The following GRM8 variants were observed in gnomAD, a reference collection of about 807,000 sequenced individuals.
The protein encoded by GRM8 is metabotropic glutamate receptor 8.
A neutral mutation model predicts 87.2 loss-of-function variants in GRM8; 47 were observed. That is an observed-to-expected ratio of 0.54 (90% CI 0.43 to 0.69). The LOEUF (loss-of-function observed/expected upper bound fraction) is 0.69, where lower values mean the gene tolerates loss of function less well. Ranked by LOEUF, GRM8 falls within the 30% of genes least tolerant of loss-of-function variation. The pLI, the probability that GRM8 is intolerant of heterozygous loss-of-function variation, is 0.00. For synonymous variants in GRM8, 396 were observed against 404.5 expected (o/e 0.98, Z 0.25); for missense variants, 1,019 against 1,139.2 (o/e 0.89, Z 1.52).
chr7:126,556,253 A>G (rs1448270759), intron 8 of GRM8, among the ~76,000 whole-genome samples: 2 of 150,770 alleles, frequency 1.3e-5, no homozygotes, highest in African/African-American at 2.4e-5. Flanking sequence ...TGTTTTTCAT[A>G]TTAGTACCTA....
At chr7:126,516,735 A>G (rs1812223421) in intron 9 of GRM8, among the ~76,000 whole-genome samples, 1 of 152,130 alleles carries the variant, frequency 6.6e-6, no homozygotes, top group Non-Finnish European at 1.5e-5. Flanking sequence ...TTAGGAATTC[A>G]TAGTATAAGT....
chr7:127,030,474 C>A (rs1817256611), intron 3 of GRM8, among the ~76,000 whole-genome samples: 1 of 152,244 alleles, frequency 6.6e-6, no homozygotes, highest in Non-Finnish European at 1.5e-5. Flanking sequence ...TGAGCCAAAG[C>A]CCCAATTCTA....
intron 7 of GRM8, among the ~76,000 whole-genome samples, chr7:126,709,988 A>G (rs966310456): frequency 3.9e-5 from 6 of 152,338 alleles, no homozygotes; most frequent in South Asian, 2.1e-4. Flanking sequence ...CCAGTTCCAA[A>G]TCACCACAAT....
In GRM8 at chr7:126,446,335, C is replaced by T; in HGVS notation, c.2468G>A (p.Ser823Asn). Residue 823 changes from serine (S) to asparagine (N), a missense_variant, in exon 10 of 11, where the codon AGT becomes AAT. By Grantham distance (46) the Ser-to-Asn change is conservative. Coordinates refer to ENST00000339582, the MANE Select transcript of GRM8 (RefSeq NM_000845.3). Reference protein sequence around the residue: ...IQTTTLTVSMSLSASVSLGML... With the variant: ...IQTTTLTVSMNLSASVSLGML... The stretch of plus-strand genomic sequence containing the variant: ...GCCCAGAGATACTGAAGCACTTAAA[C>T]TCATGGAGACAGTAAGTGTTGTTGT... The T allele has an allele frequency of 1.2e-6, 2 of 1,609,940 alleles. No homozygotes were observed. Among genetic ancestry groups the T allele is most frequent in the Non-Finnish European group, 8.5e-7 (1 of 1,177,238 alleles).
chr7:126,682,851 C>A (rs919932615), intron 7 of GRM8, among the ~76,000 whole-genome samples: 1 of 152,144 alleles, frequency 6.6e-6, no homozygotes, highest in Non-Finnish European at 1.5e-5. Flanking sequence ...GAGTTTGAGA[C>A]CAGCCTGGCC....
intron 6 of GRM8, among the ~76,000 whole-genome samples, chr7:126,776,101 T>C (rs1042674619): frequency 6.6e-6 from 1 of 152,178 alleles, no homozygotes; most frequent in African/African-American, 2.4e-5. Context: ...ATACTAGGCT[T>C]AAATACTGAA....
intron 3 of GRM8, among the ~76,000 whole-genome samples, chr7:127,093,390 CAG>C (rs760611235): frequency 5.9e-5 from 9 of 152,102 alleles, no homozygotes; most frequent in Non-Finnish European, 1.3e-4. Flanking sequence ...CCATCTATCG[CAG>C]AGTTTCCTCT....
intron 7 of GRM8, among the ~76,000 whole-genome samples, chr7:126,687,397 G>T (rs1299729595): frequency 1.3e-5 from 2 of 152,132 alleles, no homozygotes; most frequent in African/African-American, 4.8e-5. Context: ...CTTGTGAGAA[G>T]TATCTCCATT....
At chr7:127,003,472 A>C (rs1813939609) in intron 3 of GRM8, among the ~76,000 whole-genome samples, 2 of 151,738 alleles carry the variant, frequency 1.3e-5, no homozygotes, top group African/African-American at 4.8e-5. Context: ...CACCCACATG[A>C]AGAAAGTCTA....
intron 6 of GRM8, among the ~76,000 whole-genome samples, chr7:126,812,349 G>A (rs1453030989): frequency 1.3e-5 from 2 of 151,878 alleles, no homozygotes; most frequent in Non-Finnish European, 1.5e-5. Context: ...AACCTAGGTG[G>A]TATAGCTTAC....
At chr7:126,688,140 T>A (rs1291202057) in intron 7 of GRM8, among the ~76,000 whole-genome samples, 1 of 152,210 alleles carries the variant, frequency 6.6e-6, no homozygotes, top group African/African-American at 2.4e-5. Context: ...TAGGAGAAGA[T>A]ACATGTAAAT....
intron 3 of GRM8, among the ~76,000 whole-genome samples, chr7:126,956,338 C>A (rs1808679763): frequency 6.6e-6 from 1 of 152,162 alleles, no homozygotes; most frequent in African/African-American, 2.4e-5. Context: ...TATATTATTT[C>A]TCTGAGCCTC....
At chr7:127,085,798 C>G (rs1391563039) in intron 3 of GRM8, among the ~76,000 whole-genome samples, 1 of 152,170 alleles carries the variant, frequency 6.6e-6, no homozygotes, top group Non-Finnish European at 1.5e-5. Context: ...TGCAGAAGCT[C>G]TTTAGTTTAA....
At chr7:126,798,842 A>G (rs1318657053) in intron 6 of GRM8, among the ~76,000 whole-genome samples, 1 of 152,104 alleles carries the variant, frequency 6.6e-6, no homozygotes, top group African/African-American at 2.4e-5. Flanking sequence ...AAAAAGCCTT[A>G]CCTATGAGAT....
chr7:127,118,217 A>C (rs1275647306), intron 2 of GRM8: 1 of 152,236 alleles, frequency 6.6e-6, no homozygotes, highest in East Asian at 1.9e-4. Context: ...AGCTCCATTT[A>C]CACAGGGGGA....
chr7:126,627,604 G>A (rs928656093), intron 7 of GRM8, among the ~76,000 whole-genome samples: 2 of 151,878 alleles, frequency 1.3e-5, no homozygotes, highest in African/African-American at 2.4e-5. Flanking sequence ...TGGCAATAGT[G>A]AACACCTTTG....
intron 6 of GRM8, among the ~76,000 whole-genome samples, chr7:126,863,967 A>C (rs1436385199): frequency 2.0e-5 from 3 of 149,708 alleles, no homozygotes; most frequent in East Asian, 1.9e-4. Context: ...TTTCATTTTT[A>C]ATTATTATAT....
At chr7:126,855,228 CT>C (rs1797567824) in intron 6 of GRM8, among the ~76,000 whole-genome samples, 1 of 152,116 alleles carries the variant, frequency 6.6e-6, no homozygotes. Context: ...TAATTCTTGA[CT>C]TACATGGTCC....
At chr7:127,219,835 G>C (rs936722844) in intron 2 of GRM8, 3 of 152,228 alleles carry the variant, frequency 2.0e-5, no homozygotes, top group African/African-American at 7.2e-5. Flanking sequence ...AGGCATCTGA[G>C]GGGCACAAGC....
Sources: gnomAD v4.1 joint callset for allele counts (sites outside exome capture counted in the v4.1 genomes callset) on GRCh38, gnomAD v4.1.1 for gene constraint, MANE v1.5 for transcripts, NCBI Gene and HGNC (gene_info 2026-07-23, HGNC 2026-07-21) for gene names.